Variants in SEMA3D observed in about 807,000 individuals in gnomAD.
The protein encoded by SEMA3D is semaphorin-3D.
In SEMA3D, 84 loss-of-function variants were observed where a neutral mutation model predicts 100.1. The ratio of observed to expected loss-of-function variants is 0.84; its 90% CI spans 0.70 to 1.01. The LOEUF (loss-of-function observed/expected upper bound fraction) is 1.01. SEMA3D is among the 50% of genes least tolerant of loss of function. The pLI, the probability that SEMA3D is intolerant of heterozygous loss-of-function variation, is 0.00. For synonymous variants in SEMA3D, 312 were observed against 320.7 expected, an observed-to-expected ratio of 0.97 and a Z score of 0.29; for missense variants, 875 against 934.1, an observed-to-expected ratio of 0.94 and a Z score of 0.82.
chr7:85,005,471 T>A (rs1789769616), intron 18 of SEMA3D, among the ~76,000 whole-genome samples: 1 of 152,040 alleles, frequency 6.6e-6, no homozygotes, highest in Admixed American at 6.6e-5. Context: ...TAACAAAGCA[T>A]GAAATTATTC....
At chr7:85,010,916 C>A (rs1789934002) in intron 17 of SEMA3D, among the ~76,000 whole-genome samples, 1 of 151,314 alleles carries the variant, frequency 6.6e-6, no homozygotes, top group Non-Finnish European at 1.5e-5. Context: ...GGGGACACTC[C>A]AATATTTAAA....
At chr7:85,205,431 AATT>A in the SEMA3D span, among the ~76,000 whole-genome samples, 3 of 152,128 alleles carry the variant, frequency 2.0e-5, no homozygotes, top group African/African-American at 7.2e-5. Context: ...ACACTTGTAG[AATT>A]ATTATTTGTC....
chr7:85,012,924 A>G, intron 16 of SEMA3D, 78 bp from the exon 17 acceptor site: 1 of 1,091,682 alleles, frequency 9.2e-7, no homozygotes, highest in East Asian at 2.4e-5. Context: ...TAATACTAAT[A>G]ACAGTGGCAG....
chr7:85,073,524 A>G (rs776157816), intron 5 of SEMA3D, among the ~76,000 whole-genome samples: 52 of 152,166 alleles, frequency 3.4e-4, no homozygotes, highest in South Asian at 6.2e-4. Flanking sequence ...AGCTAGGACT[A>G]CAAGCACCCA....
At chr7:85,026,581 T>C (rs1009741075) in intron 12 of SEMA3D, among the ~76,000 whole-genome samples, 86 of 152,086 alleles carry the variant, frequency 5.7e-4, no homozygotes, top group African/African-American at 2.0e-3. Flanking sequence ...AAGACTATCA[T>C]AGTCTAACAC....
At chr7:85,173,370 T>G (rs1791138272) in intron 1 of SEMA3D, among the ~76,000 whole-genome samples, 1 of 152,060 alleles carries the variant, frequency 6.6e-6, no homozygotes, top group Non-Finnish European at 1.5e-5. Flanking sequence ...CAACTAGTAT[T>G]AAGGGTTTAC....
chr7:85,022,090 T>C (rs1398179831), intron 13 of SEMA3D, among the ~76,000 whole-genome samples: 1 of 151,832 alleles, frequency 6.6e-6, no homozygotes, highest in Non-Finnish European at 1.5e-5. Context: ...AGTTTGAAAA[T>C]AAACATTACT....
intron 3 of SEMA3D, among the ~76,000 whole-genome samples, chr7:85,105,422 G>A (rs910164539): frequency 1.3e-5 from 2 of 152,018 alleles, no homozygotes; most frequent in Non-Finnish European, 2.9e-5. Flanking sequence ...TGAGGCTTGA[G>A]ATCATGTGAA....
intron 12 of SEMA3D, among the ~76,000 whole-genome samples, chr7:85,035,163 A>T (rs1169644537): frequency 1.3e-4 from 20 of 151,610 alleles, no homozygotes; most frequent in Non-Finnish European, 2.5e-4. Context: ...ATCTAGGATT[A>T]TATATCATAT....
Position 84,998,013 on chromosome 7 carries a change from G to A in SEMA3D, c.*1427C>T, listed in dbSNP as rs1489692182. 1 of 152,108 alleles carries A rather than the reference G, an allele frequency of 6.6e-6. No homozygotes were observed. The highest frequency in any genetic ancestry group is 1.5e-5 in the Non-Finnish European group (1 of 67,978). 9.4% of individuals were successfully genotyped at this position (152,108 alleles called of 1,614,324 possible). ...ATTGTGAGTTTGGTTCTTTTTACAT[G>A]TAGCAGGCTTATTTATTGTTAAATT... On this transcript the variant is annotated 3_prime_UTR_variant, in exon 19 of 19. Coordinates refer to ENST00000284136, the MANE Select transcript of SEMA3D (RefSeq NM_001384900.1).
chr7:85,057,060 T>C (rs1207261123), intron 8 of SEMA3D, among the ~76,000 whole-genome samples: 1 of 151,950 alleles, frequency 6.6e-6, no homozygotes, highest in Non-Finnish European at 1.5e-5. Flanking sequence ...TACATCCATG[T>C]ACTTGTAAAA....
At chr7:85,104,760 C>G (rs560624986) in intron 3 of SEMA3D, among the ~76,000 whole-genome samples, 8 of 149,948 alleles carry the variant, frequency 5.3e-5, no homozygotes, top group African/African-American at 2.0e-4. Context: ...GTTTCTCTCA[C>G]GAGAAGACTA....
In SEMA3D at chr7:85,073,077, T is replaced by G. The variant is rs770014902; in HGVS notation, c.380A>C (p.Glu127Ala). ...CKLAGKDANT[E>A]CANFIRVLQP... is the part of the protein sequence containing the mutation. ...AAGTACTCTGATGAAATTTGCACATTCTGTCTGTTGGGCACAAAAATTAAA... is the reference window on the plus strand; with the variant it reads ...AAGTACTCTGATGAAATTTGCACATGCTGTCTGTTGGGCACAAAAATTAAA... Residue 127 changes from glutamate (E) to alanine (A), a missense_variant, in exon 6 of 19, where the codon GAA becomes GCA. Glu to Ala is a moderately radical substitution (Grantham distance 107). Coordinates refer to ENST00000284136, the MANE Select transcript of SEMA3D (RefSeq NM_001384900.1). The G allele has an allele frequency of 2.5e-6, 4 of 1,612,364 alleles. No individual in the cohort carries two copies. In the South Asian group the frequency reaches 4.4e-5, roughly 18 times the overall value.
chr7:85,203,030 G>T, the SEMA3D span, among the ~76,000 whole-genome samples: 1 of 152,162 alleles, frequency 6.6e-6, no homozygotes, highest in African/African-American at 2.4e-5. Context: ...AAATGAGGTA[G>T]GACAGAATTA....
chr7:85,225,921 ATACTT>A, the SEMA3D span, among the ~76,000 whole-genome samples: 1 of 152,216 alleles, frequency 6.6e-6, no homozygotes. Flanking sequence ...TTTACATACT[ATACTT>A]TACAAATACA....
intron 2 of SEMA3D, among the ~76,000 whole-genome samples, chr7:85,133,044 G>A (rs1400925637): frequency 1.3e-5 from 2 of 151,874 alleles, no homozygotes; most frequent in East Asian, 3.9e-4. Context: ...CTAATAAAGT[G>A]CCAGAAATTT....
chr7:85,098,082 AAG>A, intron 3 of SEMA3D, 117 bp from the exon 4 acceptor site: 1 of 631,804 alleles, frequency 1.6e-6, no homozygotes, highest in Non-Finnish European at 2.5e-6. Flanking sequence ...AAGAAAAAGA[AAG>A]AAAGAAAAAA....
the SEMA3D span, among the ~76,000 whole-genome samples, chr7:85,234,821 CT>C: frequency 1.3e-5 from 2 of 152,108 alleles, no homozygotes; most frequent in Non-Finnish European, 2.9e-5. Context: ...GGATTTATAG[CT>C]TGGCAAAACA....
At chr7:85,128,823 A>G (rs2116426302) in intron 2 of SEMA3D, among the ~76,000 whole-genome samples, 1 of 149,838 alleles carries the variant, frequency 6.7e-6, no homozygotes, top group Admixed American at 6.7e-5. Context: ...ATAATTGGGT[A>G]GTTGGAAACT....
Sources: allele counts gnomAD v4.1 joint callset (sites outside exome capture counted in the v4.1 genomes callset), GRCh38; gene constraint gnomAD v4.1.1; transcripts MANE v1.5; gene names NCBI Gene and HGNC (gene_info 2026-07-23, HGNC 2026-07-21).